Variants in SDK1 observed in about 807,000 individuals in gnomAD.
SDK1 encodes the protein protein sidekick-1.
Under a neutral mutation model 245.5 loss-of-function variants are expected in SDK1, and 157 were observed. The observed-to-expected ratio is 0.64, with a 90% CI of 0.56 to 0.73. The LOEUF (loss-of-function observed/expected upper bound fraction) is 0.73, where lower values mean the gene tolerates loss of function less well. Among genes scored for constraint, SDK1 ranks in the 30% least tolerant of loss-of-function variants. The pLI, the probability that SDK1 is intolerant of heterozygous loss-of-function variation, is 0.00. For missense variants in SDK1, 3,583 were observed against 3,002.3 expected, an observed-to-expected ratio of 1.19 and a Z score of -4.52; for synonymous variants, 1,647 against 1,278.5, an observed-to-expected ratio of 1.29 and a Z score of -6.15.
chr7:4,053,225 C>A (rs1778987163), intron 19 of SDK1, among the ~76,000 whole-genome samples: 1 of 152,156 alleles, frequency 6.6e-6, no homozygotes, highest in Non-Finnish European at 1.5e-5. Flanking sequence ...CAGCTCCACC[C>A]CGTGCTGCTC....
chr7:3,337,362 A>AT (rs1389581127), intron 1 of SDK1, among the ~76,000 whole-genome samples: 5 of 152,136 alleles, frequency 3.3e-5, no homozygotes, highest in Admixed American at 2.6e-4. Flanking sequence ...TGTGAAAAAA[A>AT]TAGACTGGAA....
At chr7:4,172,790 G>T (rs942949021) in intron 32 of SDK1, among the ~76,000 whole-genome samples, 1 of 152,110 alleles carries the variant, frequency 6.6e-6, no homozygotes, top group East Asian at 1.9e-4. Context: ...TTTCACTTAT[G>T]GACGCGTTAC....
At chr7:4,093,674 G>A (rs1354517884) in intron 22 of SDK1, among the ~76,000 whole-genome samples, 4 of 152,180 alleles carry the variant, frequency 2.6e-5, no homozygotes, top group Non-Finnish European at 4.4e-5. Context: ...GGCTGCCGGC[G>A]GCGTCGACAG....
At chr7:3,629,204 G>C (rs1782212028) in intron 2 of SDK1, among the ~76,000 whole-genome samples, 1 of 151,602 alleles carries the variant, frequency 6.6e-6, no homozygotes, top group Non-Finnish European at 1.5e-5. Context: ...GGGAGGCTGA[G>C]GCAGGAGAAT....
intron 4 of SDK1, among the ~76,000 whole-genome samples, chr7:3,788,265 C>G (rs938466869): frequency 2.0e-5 from 3 of 152,206 alleles, no homozygotes; most frequent in Non-Finnish European, 2.9e-5. Flanking sequence ...GCACGCTTGT[C>G]AGAACAGCAG....
At chr7:3,862,263 T>G (rs1053601860) in intron 5 of SDK1, among the ~76,000 whole-genome samples, 2 of 152,138 alleles carry the variant, frequency 1.3e-5, no homozygotes, top group African/African-American at 4.8e-5. Flanking sequence ...TCAGAATGTC[T>G]GGGGGAGGAA....
In SDK1 at chr7:3,370,162, A is replaced by G. The variant is rs541143550; in HGVS notation, c.298+68278A>G. ...TGACTTGAGAGAGTATGGTTTTGAC[A>G]GAGTGGTTGTTAATGCCTCAGAACT... On this transcript the variant is annotated intron_variant, in intron 1 of 44. Coordinates refer to ENST00000404826, the MANE Select transcript of SDK1 (RefSeq NM_152744.4). Among the ~76,000 whole-genome samples the G allele has an allele frequency of 1.2e-4, 19 of 152,346 alleles. No individual in the cohort carries two copies. In the South Asian group the frequency reaches 3.9e-3, roughly 32 times the overall value.
At chr7:3,671,991 A>G (rs11976554) in intron 4 of SDK1, among the ~76,000 whole-genome samples, 55,924 of 151,988 alleles carry the variant, frequency 0.37, 11,270 homozygotes, top group African/African-American at 0.53. Flanking sequence ...GCTTGGAGCT[A>G]AAAGCAGGAA....
chr7:3,869,762 G>A (rs539413792), intron 5 of SDK1, among the ~76,000 whole-genome samples: 1 of 152,354 alleles, frequency 6.6e-6, no homozygotes, highest in East Asian at 1.9e-4. Context: ...ACTGCACATG[G>A]AGATGTCTTA....
At chr7:3,773,777 AG>A (rs146928481) in intron 4 of SDK1, among the ~76,000 whole-genome samples, 1 of 152,148 alleles carries the variant, frequency 6.6e-6, no homozygotes, top group Non-Finnish European at 1.5e-5. Context: ...AGTTCTTCTC[AG>A]GTCTTTTCTG....
intron 7 of SDK1, among the ~76,000 whole-genome samples, chr7:3,954,586 C>T (rs953234854): frequency 1.2e-5 from 1 of 84,684 alleles, no homozygotes; most frequent in Non-Finnish European, 2.2e-5. Context: ...CCCCTCTATA[C>T]TCTCCGCCCT....
rs373814431 is a variant in SDK1 at position 3,600,397 on chromosome 7, C to G, written c.299-18683C>G. ...AATAACAATTTTAGTTCTTTCCTTCCAGTATGTACATCTTTTATTTATTTT... is the reference window on the plus strand; with the variant it reads ...AATAACAATTTTAGTTCTTTCCTTCGAGTATGTACATCTTTTATTTATTTT... On this transcript the variant is annotated intron_variant, in intron 1 of 44. Transcript: ENST00000404826. Among the ~76,000 whole-genome samples, 14 of 152,162 alleles carry G rather than the reference C, an allele frequency of 9.2e-5. No homozygotes were observed. In the South Asian group the frequency reaches 2.3e-3, roughly 25 times the overall value.
intron 4 of SDK1, among the ~76,000 whole-genome samples, chr7:3,797,066 G>A (rs562981882): frequency 1.3e-5 from 2 of 151,272 alleles, no homozygotes; most frequent in East Asian, 3.9e-4. Context: ...GAGTGCAGTG[G>A]TGCAGTCATA....
chr7:3,407,206 A>T (rs947840369), intron 1 of SDK1, among the ~76,000 whole-genome samples: 2 of 152,214 alleles, frequency 1.3e-5, no homozygotes, highest in Non-Finnish European at 2.9e-5. Flanking sequence ...CCTATTCAGC[A>T]CTTTCTGGAA....
intron 30 of SDK1, among the ~76,000 whole-genome samples, chr7:4,153,114 G>GTCGTGGGA (rs1204986677): frequency 6.6e-6 from 1 of 152,126 alleles, no homozygotes; most frequent in Admixed American, 6.5e-5. Flanking sequence ...TCTGAGCTCT[G>GTCGTGGGA]TCGTGGGATA....
chr7:3,391,916 G>A (rs115900831), intron 1 of SDK1, among the ~76,000 whole-genome samples: 7,138 of 150,518 alleles, frequency 0.047, 479 homozygotes, highest in African/African-American at 0.15. Context: ...GGTGTCAACC[G>A]CCATGTTTGG....
chr7:3,873,511 C>T (rs1336424409), intron 5 of SDK1, among the ~76,000 whole-genome samples: 2 of 152,068 alleles, frequency 1.3e-5, no homozygotes, highest in Admixed American at 1.3e-4. Flanking sequence ...AATCCTAGCC[C>T]ATTATTTTTT....
chr7:3,729,196 C>G (rs1358736868), intron 4 of SDK1, among the ~76,000 whole-genome samples: 4 of 152,120 alleles, frequency 2.6e-5, no homozygotes, highest in African/African-American at 9.7e-5. Flanking sequence ...ATTAAGTGTT[C>G]TTTATCTTAG....
In SDK1 at chr7:4,011,133, G is replaced by C; in HGVS notation, c.2279+20G>C. 1.9e-6 allele frequency: 3 copies of C among 1,611,912 alleles called. No homozygotes were observed. The highest frequency in any genetic ancestry group is 2.5e-6 in the Non-Finnish European group (3 of 1,179,588). ...AAGCAGGTGCGTGAATCCCGCCCCA[G>C]GTGGGGGTGTGGAACAGCCGGGGGC... On this transcript the variant is annotated intron_variant, in intron 15 of 44. Coordinates refer to ENST00000404826, the MANE Select transcript of SDK1 (RefSeq NM_152744.4).
Sources: allele counts gnomAD v4.1 joint callset (sites outside exome capture counted in the v4.1 genomes callset), GRCh38; gene constraint gnomAD v4.1.1; transcripts MANE v1.5; gene names NCBI Gene and HGNC (gene_info 2026-07-23, HGNC 2026-07-21).